The following NWD2 variants were observed in gnomAD, a reference collection of about 807,000 sequenced individuals.
NWD2 encodes NACHT and WD repeat domain containing 2.
Under a neutral mutation model 132.7 loss-of-function variants are expected in NWD2, and 37 were observed. That is an observed-to-expected ratio of 0.28 (90% CI 0.21 to 0.37). NWD2 has a LOEUF of 0.37. Among genes scored for constraint, NWD2 ranks in the 10% least tolerant of loss-of-function variants. The probability of loss-of-function intolerance (pLI) is 1.00; values close to 1 mark genes in which losing one functional copy is unlikely to be tolerated. For missense variants in NWD2, 1,592 were observed against 2,122.4 expected (o/e 0.75, Z 4.91); for synonymous variants, 705 against 803.0 (o/e 0.88, Z 2.06).
chr4:37,418,639 AAAATATAT>A (rs1293780349), intron 3 of NWD2, among the ~76,000 whole-genome samples: 2 of 144,872 alleles, frequency 1.4e-5, no homozygotes, highest in East Asian at 2.0e-4. Context: ...CCCAAAAAAA[AAAATATAT>A]ATATATATTT....
intron 1 of NWD2, among the ~76,000 whole-genome samples, 171 bp downstream of exon 1, chr4:37,245,389 C>T (rs2109252519): frequency 6.6e-6 from 1 of 152,138 alleles, no homozygotes; most frequent in Middle Eastern, 3.4e-3. Context: ...TTTTTTTCTC[C>T]CCTCGCTGGC....
Position 37,244,947 on chromosome 4 carries a change from G to T in NWD2, c.-121G>T. The T allele has an allele frequency of 7.3e-7, 1 of 1,367,170 alleles. No individual in the cohort carries two copies. 84.7% of individuals were successfully genotyped at this position (1,367,170 alleles called of 1,614,324 possible). On this transcript the variant is annotated 5_prime_UTR_variant, in exon 1 of 7. Coordinates refer to ENST00000309447, the MANE Select transcript of NWD2 (RefSeq NM_001144990.2). The surrounding 1 kb of genome is among the most constrained non-coding windows in gnomAD (Gnocchi z 5.5). ...CCAAAGGCGCTTCGGGCTCGGAGCGGCTCTGAGCCGCGCCGCCTGCTGAGA... is the reference window on the plus strand; with the variant it reads ...CCAAAGGCGCTTCGGGCTCGGAGCGTCTCTGAGCCGCGCCGCCTGCTGAGA...
At chr4:37,291,036 T>C (rs1718349957) in intron 1 of NWD2, among the ~76,000 whole-genome samples, 1 of 152,154 alleles carries the variant, frequency 6.6e-6, no homozygotes, top group South Asian at 2.1e-4. Context: ...CTAAAAGGAA[T>C]CATGGGAATC....
intron 2 of NWD2, among the ~76,000 whole-genome samples, chr4:37,344,184 T>C (rs900321769): frequency 6.6e-6 from 1 of 152,186 alleles, no homozygotes; most frequent in Non-Finnish European, 1.5e-5. Context: ...ATGTAATAAA[T>C]CTTGTCTTGT....
intron 5 of NWD2, among the ~76,000 whole-genome samples, chr4:37,437,837 C>T (rs559925817): frequency 1.3e-4 from 20 of 152,168 alleles, no homozygotes; most frequent in African/African-American, 4.6e-4. Context: ...AGCCATAATA[C>T]GGTATATGTT....
chr4:37,441,235 AT>A (rs1712476704), intron 6 of NWD2, among the ~76,000 whole-genome samples: 1 of 152,226 alleles, frequency 6.6e-6, no homozygotes, highest in Non-Finnish European at 1.5e-5. Flanking sequence ...TCCACATTGC[AT>A]TGCATAAATT....
At chr4:37,415,723 G>A (rs113348775) in intron 3 of NWD2, among the ~76,000 whole-genome samples, 12 of 131,420 alleles carry the variant, frequency 9.1e-5, no homozygotes, top group African/African-American at 2.5e-4. Flanking sequence ...AAAAAAAATA[G>A]GCAAAAGATA....
At chr4:37,274,056 C>A (rs569367708) in intron 1 of NWD2, among the ~76,000 whole-genome samples, 14 of 151,900 alleles carry the variant, frequency 9.2e-5, no homozygotes, top group African/African-American at 2.2e-4. Flanking sequence ...CAAAAGCTAG[C>A]GGAAGGCAAG....
intron 3 of NWD2, among the ~76,000 whole-genome samples, chr4:37,359,405 C>A: frequency 6.6e-6 from 1 of 152,016 alleles, no homozygotes. Flanking sequence ...AAAAGTACTC[C>A]TCTTAGGGCC....
chr4:37,347,432 T>A (rs550817582), intron 2 of NWD2, among the ~76,000 whole-genome samples: 110 of 152,290 alleles, frequency 7.2e-4, no homozygotes, highest in African/African-American at 2.5e-3. Context: ...AACCATCTGA[T>A]CTGTTTACAG....
intron 1 of NWD2, among the ~76,000 whole-genome samples, chr4:37,266,944 G>T (rs535299656): frequency 1.9e-4 from 29 of 152,062 alleles, no homozygotes; most frequent in African/African-American, 6.5e-4. Context: ...ATTAAAATAG[G>T]TGCTAAAAAT....
intron 4 of NWD2, among the ~76,000 whole-genome samples, chr4:37,432,695 T>C (rs1479241558): frequency 6.6e-6 from 1 of 152,238 alleles, no homozygotes; most frequent in Non-Finnish European, 1.5e-5. Flanking sequence ...TAATATTTTT[T>C]CTTTAACATC....
At chr4:37,292,067 T>C (rs1173493415) in intron 1 of NWD2, among the ~76,000 whole-genome samples, 1 of 152,202 alleles carries the variant, frequency 6.6e-6, no homozygotes, top group Non-Finnish European at 1.5e-5. Flanking sequence ...TAAAACTGAC[T>C]TAATGATCCT....
intron 3 of NWD2, among the ~76,000 whole-genome samples, chr4:37,373,346 T>G (rs1231663290): frequency 6.6e-6 from 1 of 152,212 alleles, no homozygotes; most frequent in African/African-American, 2.4e-5. Flanking sequence ...ACCCTTTGCC[T>G]AAATATCCAG....
chr4:37,390,844 A>G (rs1265750492), intron 3 of NWD2, among the ~76,000 whole-genome samples: 6 of 152,198 alleles, frequency 3.9e-5, no homozygotes, highest in Admixed American at 3.9e-4. Context: ...ATTTTATTTC[A>G]TTTTTGGAAG....
intron 3 of NWD2, among the ~76,000 whole-genome samples, chr4:37,376,966 C>G (rs567137070): frequency 2.0e-5 from 3 of 152,254 alleles, no homozygotes; most frequent in African/African-American, 7.2e-5. Context: ...TAAAATTACT[C>G]AAATTCAAAG....
chr4:37,387,672 T>A (rs953589553), intron 3 of NWD2, among the ~76,000 whole-genome samples: 6 of 17,430 alleles, frequency 3.4e-4, no homozygotes, highest in Non-Finnish European at 6.0e-4. Context: ...GAAATATTCT[T>A]TTTTTTTTTT....
At chr4:37,306,256 T>G (rs1718706353) in intron 1 of NWD2, among the ~76,000 whole-genome samples, 1 of 152,170 alleles carries the variant, frequency 6.6e-6, no homozygotes, top group African/African-American at 2.4e-5. Flanking sequence ...TTTCTCAGTA[T>G]CGTTTATCTT....
At chr4:37,371,499 G>A (rs535083299) in intron 3 of NWD2, among the ~76,000 whole-genome samples, 1 of 152,264 alleles carries the variant, frequency 6.6e-6, no homozygotes, top group South Asian at 2.1e-4. Context: ...AGAAAACAAA[G>A]CTGTGCCTGC....
Sources: gnomAD v4.1 joint callset for allele counts (sites outside exome capture counted in the v4.1 genomes callset) on GRCh38, gnomAD v4.1.1 for gene constraint, Gnocchi (gnomAD v3.1) non-coding constraint, MANE v1.5 for transcripts, NCBI Gene and HGNC (gene_info 2026-07-23, HGNC 2026-07-21) for gene names.